UBA6: variants seen among roughly 807,000 people sequenced by gnomAD.
UBA6 encodes ubiquitin like modifier activating enzyme 6.
In UBA6, 87 loss-of-function variants were observed where a neutral mutation model predicts 148.3. The ratio of observed to expected loss-of-function variants is 0.59; its 90% CI spans 0.49 to 0.70. The LOEUF (loss-of-function observed/expected upper bound fraction) is 0.70. UBA6 is among the 30% of genes least tolerant of loss of function. The probability of loss-of-function intolerance (pLI) is 0.00; values close to 1 mark genes in which losing one functional copy is unlikely to be tolerated. For missense variants in UBA6, 1,186 were observed against 1,241.2 expected (o/e 0.96, Z 0.67); for synonymous variants, 376 against 401.0 (o/e 0.94, Z 0.75).
intron 9 of UBA6, 88 bp downstream of exon 9, chr4:67,668,463 G>T: frequency 1.6e-6 from 2 of 1,259,094 alleles, no homozygotes; most frequent in Non-Finnish European, 2.2e-6. Flanking sequence ...ATGTCTCTCT[G>T]AGTTGACATT....
intron 14 of UBA6, among the ~76,000 whole-genome samples, chr4:67,648,467 C>CAAA (rs575104020): frequency 2.9e-5 from 3 of 104,346 alleles, no homozygotes; most frequent in African/African-American, 1.0e-4. Flanking sequence ...GACTCTGTCT[C>CAAA]AAAAAAAAAA....
chr4:67,701,033 C>G lies in UBA6; in HGVS notation c.71+16G>C. On this transcript the variant is annotated intron_variant, in intron 1 of 32. Coordinates refer to ENST00000322244, the MANE Select transcript of UBA6 (RefSeq NM_018227.6). Reference sequence around the variant, plus strand: ...CCACCCGCGACCCCTCACCTTCGCCCTTCTCGTCCTCTCACCTGCCAGTCC... The same window carrying G: ...CCACCCGCGACCCCTCACCTTCGCCGTTCTCGTCCTCTCACCTGCCAGTCC... 1 of 1,613,702 alleles carries G rather than the reference C, an allele frequency of 6.2e-7. No homozygotes were observed. The highest frequency in any genetic ancestry group is 8.5e-7 in the Non-Finnish European group (1 of 1,179,682).
chr4:67,615,462 C>G lies in UBA6; in HGVS notation c.*3535G>C, dbSNP rs1469492841. The G allele has an allele frequency of 6.6e-6, 1 of 152,052 alleles. No homozygotes were observed. Among genetic ancestry groups the G allele is most frequent in the African/African-American group, 2.4e-5 (1 of 41,374 alleles). The allele number at this position is 152,052 out of a possible 1,614,324, so 9.4% of individuals were successfully genotyped here. A position where few individuals can be genotyped will look rare whatever the true frequency, so the allele number is the denominator to read the frequency against. On this transcript the variant is annotated 3_prime_UTR_variant, in exon 33 of 33. Transcript: ENST00000322244. ...TTCCTTTATAGCAACACAAAACCAA[C>G]CAACATACTAATGCTTAGAAAAAAA...
chr4:67,641,089 T>C, intron 18 of UBA6, 62 bp downstream of exon 18: 1 of 1,037,450 alleles, frequency 9.6e-7, no homozygotes, highest in African/African-American at 1.7e-5. Context: ...TTTCTATTTA[T>C]TAAAAGGAAA....
At position 67,682,172 on chromosome 4, in the gene UBA6, A is replaced by ATCT; in HGVS notation, c.173_175dup (p.Lys58dup). On this transcript the variant is annotated inframe_insertion, in exon 3 of 33. Coordinates refer to ENST00000322244, the MANE Select transcript of UBA6 (RefSeq NM_018227.6). ...ACTTAAGAAAACATGGGACTTGGCC[A>ATCT]TCTTCTGCATTGCTGTGTCTCCAAG... 1 of 1,613,980 alleles carries ATCT rather than the reference A, an allele frequency of 6.2e-7. No homozygotes were observed. Among genetic ancestry groups the ATCT allele is most frequent in the Non-Finnish European group, 8.5e-7 (1 of 1,179,894 alleles).
At chr4:67,657,490 T>C (rs1729728496) in intron 13 of UBA6, among the ~76,000 whole-genome samples, 1 of 152,212 alleles carries the variant, frequency 6.6e-6, no homozygotes, top group African/African-American at 2.4e-5. Context: ...AAGCTGAAAC[T>C]GGATCCCTTC....
At chr4:67,657,095 G>T (rs761714092) in intron 13 of UBA6, among the ~76,000 whole-genome samples, 1 of 152,040 alleles carries the variant, frequency 6.6e-6, no homozygotes, top group Non-Finnish European at 1.5e-5. Flanking sequence ...TCATTAAAAC[G>T]CCCATACTGC....
chr4:67,620,424 TCA>T (rs747575649), intron 32 of UBA6, among the ~76,000 whole-genome samples: 1 of 152,190 alleles, frequency 6.6e-6, no homozygotes, highest in East Asian at 1.9e-4. Context: ...ATTTTCATTA[TCA>T]CAGTTATTCA....
chr4:67,683,036 TAG>T (rs1231152601), intron 2 of UBA6, among the ~76,000 whole-genome samples: 2 of 152,186 alleles, frequency 1.3e-5, no homozygotes, highest in South Asian at 2.1e-4. Flanking sequence ...ATTTCTTATC[TAG>T]AGAGACAAAA....
intron 28 of UBA6, among the ~76,000 whole-genome samples, chr4:67,625,928 A>C (rs1232418533): frequency 6.6e-6 from 1 of 151,960 alleles, no homozygotes; most frequent in Non-Finnish European, 1.5e-5. Flanking sequence ...ATTACTAAAG[A>C]CTAAGAACCT....
intron 26 of UBA6, 98 bp downstream of exon 26, chr4:67,630,368 C>A: frequency 1.2e-6 from 1 of 815,986 alleles, no homozygotes; most frequent in Non-Finnish European, 1.9e-6. Context: ...AAGAGTGATT[C>A]TTATAACAAA....
intron 8 of UBA6, among the ~76,000 whole-genome samples, chr4:67,670,173 A>G (rs1315594152): frequency 2.0e-5 from 3 of 152,114 alleles, no homozygotes; most frequent in Non-Finnish European, 4.4e-5. Context: ...CAAACTCCTG[A>G]GCTAAAGTGA....
chr4:67,669,949 TTTTC>T (rs936278687), intron 8 of UBA6, among the ~76,000 whole-genome samples: 4 of 152,120 alleles, frequency 2.6e-5, no homozygotes, highest in Admixed American at 1.3e-4. Flanking sequence ...TTATTATTAT[TTTTC>T]TTTCTTTATT....
intron 1 of UBA6, among the ~76,000 whole-genome samples, chr4:67,700,080 T>A (rs58501651): frequency 0.02 from 3,052 of 152,308 alleles, 71 homozygotes; most frequent in East Asian, 0.1. Context: ...TTCAGAAAGT[T>A]GTGCCTCACT....
intron 10 of UBA6, among the ~76,000 whole-genome samples, chr4:67,664,544 G>C (rs1259523593): frequency 2.6e-5 from 4 of 152,040 alleles, no homozygotes; most frequent in East Asian, 3.9e-4. Flanking sequence ...TTGAGAACTT[G>C]TAAGAAAAAA....
rs759493352 is a variant in UBA6, at chr4:67,663,876, T to A, written c.960+9A>T. Reference sequence around the variant, plus strand: ...CTGCCTCTCTCAAACCTGCAAAGTGTTTATTTACCTCAGGGTTGCTAAAAT... The same window carrying A: ...CTGCCTCTCTCAAACCTGCAAAGTGATTATTTACCTCAGGGTTGCTAAAAT... On this transcript the variant is annotated intron_variant, in intron 11 of 32. Coordinates refer to ENST00000322244, the MANE Select transcript of UBA6 (RefSeq NM_018227.6). 3 of 1,612,536 alleles carry A rather than the reference T, an allele frequency of 1.9e-6. No individual in the cohort carries two copies. Among genetic ancestry groups the A allele is most frequent in the Admixed American group, 1.7e-5 (1 of 59,986 alleles).
intron 1 of UBA6, among the ~76,000 whole-genome samples, chr4:67,698,366 A>C (rs1730889238): frequency 6.6e-6 from 1 of 152,234 alleles, no homozygotes; most frequent in South Asian, 2.1e-4. Context: ...CCAAATACCT[A>C]AAACAGTACC....
rs745388071 is a variant in UBA6, at chr4:67,633,319, C to G, written c.2142+26G>C. 1.4e-5 allele frequency: 21 copies of G among 1,548,842 alleles called. No homozygotes were observed. In the African/African-American group the frequency reaches 2.6e-4, roughly 19 times the overall value. On this transcript the variant is annotated intron_variant, in intron 23 of 32. Transcript: ENST00000322244. ...TAAATAAGCCAAGATCAGACCTTTTCTTAATGTCTCACAATGCATACTTAC... is the reference window on the plus strand; with the variant it reads ...TAAATAAGCCAAGATCAGACCTTTTGTTAATGTCTCACAATGCATACTTAC...
In UBA6 at chr4:67,617,417, A is replaced by G. The variant is rs1387682507; in HGVS notation, c.*1580T>C. The G allele has an allele frequency of 6.6e-6, 1 of 152,108 alleles. No homozygotes were observed. The highest frequency in any genetic ancestry group is 1.5e-5 in the Non-Finnish European group (1 of 67,944). 9.4% of individuals were successfully genotyped at this position (152,108 alleles called of 1,614,324 possible). ...GATATGCACAATGGGAAAGGGTAGGATATGTGAACAAAATTTAATTTCTTT... is the reference window on the plus strand; with the variant it reads ...GATATGCACAATGGGAAAGGGTAGGGTATGTGAACAAAATTTAATTTCTTT... On this transcript the variant is annotated 3_prime_UTR_variant, in exon 33 of 33. Transcript: ENST00000322244.
Sources: allele counts gnomAD v4.1 joint callset (sites outside exome capture counted in the v4.1 genomes callset), GRCh38; gene constraint gnomAD v4.1.1; transcripts MANE v1.5; gene names NCBI Gene and HGNC (gene_info 2026-07-23, HGNC 2026-07-21).